The following SRGAP3 variants were observed in gnomAD, a reference collection of about 807,000 sequenced individuals.
SRGAP3 encodes SLIT-ROBO Rho GTPase-activating protein 3.
Under a neutral mutation model 121.1 loss-of-function variants are expected in SRGAP3, and 39 were observed. That is an observed-to-expected ratio of 0.32 (90% confidence interval 0.25 to 0.42). The LOEUF is 0.42. Ranked by LOEUF, SRGAP3 falls within the 10% of genes least tolerant of loss-of-function variation. The pLI is 1.00. For synonymous variants in SRGAP3, 601 were observed against 570.0 expected (o/e 1.05, Z -0.77); for missense variants, 1,213 against 1,470.6 (o/e 0.82, Z 2.86).
chr3:9,326,524 A>G (rs766211450), intron 2 of SRGAP3, among the ~76,000 whole-genome samples: 9 of 151,820 alleles, frequency 5.9e-5, no homozygotes, highest in Non-Finnish European at 4.4e-5. Flanking sequence ...ACCTTTAATA[A>G]CAAAAGCTTT....
At chr3:9,112,235 G>T (rs1411918649) in intron 2 of SRGAP3, among the ~76,000 whole-genome samples, 1 of 152,238 alleles carries the variant, frequency 6.6e-6, no homozygotes, top group Non-Finnish European at 1.5e-5. Flanking sequence ...GCAAGCTCCT[G>T]CTTGGGCTTC....
intron 4 of SRGAP3, among the ~76,000 whole-genome samples, chr3:9,070,583 G>A (rs568297070): frequency 6.6e-6 from 1 of 152,284 alleles, no homozygotes; most frequent in East Asian, 1.9e-4. Flanking sequence ...GAATGGATGG[G>A]TAGATGGATG....
At chr3:9,324,142 T>C (rs1236831404) in intron 3 of SRGAP3, among the ~76,000 whole-genome samples, 1 of 151,956 alleles carries the variant, frequency 6.6e-6, no homozygotes, top group African/African-American at 2.4e-5. Flanking sequence ...GTATGGTCAC[T>C]GGGATTGGCC....
At chr3:9,232,054 C>G (rs1953230746) in intron 1 of SRGAP3, among the ~76,000 whole-genome samples, 1 of 152,156 alleles carries the variant, frequency 6.6e-6, no homozygotes, top group African/African-American at 2.4e-5. Flanking sequence ...ACCCATATTT[C>G]AAAGTTTTGA....
chr3:9,131,683 C>G lies in SRGAP3; in HGVS notation c.68-6766G>C, dbSNP rs920966209. On this transcript the variant is annotated intron_variant, in intron 1 of 21. Coordinates refer to ENST00000383836, the MANE Select transcript of SRGAP3 (RefSeq NM_014850.4). The stretch of plus-strand genomic sequence containing the variant: ...TCTTGAACCCCTGACCTCAAGTAAT[C>G]CACCCGCCTCGGCCTCCCAAAGTGC... Among the ~76,000 whole-genome samples the G allele has an allele frequency of 6.6e-5, 10 of 152,130 alleles. No individual in the cohort carries two copies. The East Asian group carries it at 1.7e-3, about 26-fold the overall frequency.
intron 17 of SRGAP3, among the ~76,000 whole-genome samples, chr3:9,012,883 A>G (rs1943443037): frequency 6.6e-6 from 1 of 152,204 alleles, no homozygotes. Flanking sequence ...AGAGTGAGTT[A>G]CAGATCTTGA....
chr3:9,134,236 A>G (rs1008835684), intron 1 of SRGAP3, among the ~76,000 whole-genome samples: 1 of 152,034 alleles, frequency 6.6e-6, no homozygotes, highest in African/African-American at 2.4e-5. Flanking sequence ...ACCCCACCCA[A>G]TTCCAATCTT....
intron 1 of SRGAP3, among the ~76,000 whole-genome samples, chr3:9,173,528 G>C (rs1421781044): frequency 1.3e-5 from 2 of 152,218 alleles, no homozygotes; most frequent in African/African-American, 2.4e-5. Flanking sequence ...AATAAGAGCA[G>C]AGAGGAGAAG....
intron 1 of SRGAP3, among the ~76,000 whole-genome samples, chr3:9,224,644 A>T (rs1037920179): frequency 1.3e-5 from 2 of 152,214 alleles, no homozygotes; most frequent in Admixed American, 1.3e-4. Flanking sequence ...AGGGAAACTC[A>T]AAGGATGACT....
At chr3:9,342,355 A>C (rs1002666793) in intron 1 of SRGAP3, among the ~76,000 whole-genome samples, 1 of 152,094 alleles carries the variant, frequency 6.6e-6, no homozygotes, top group Non-Finnish European at 1.5e-5. Flanking sequence ...CATCTCAAAA[A>C]AAAAAAAAGG....
chr3:9,304,116 C>T (rs1367301227), intron 3 of SRGAP3, among the ~76,000 whole-genome samples: 1 of 152,194 alleles, frequency 6.6e-6, no homozygotes, highest in Admixed American at 6.5e-5. Flanking sequence ...ACCCCATGTA[C>T]GACTTACAGA....
intron 18 of SRGAP3, among the ~76,000 whole-genome samples, chr3:8,996,468 G>A (rs1004388831): frequency 1.3e-5 from 2 of 152,220 alleles, no homozygotes; most frequent in African/African-American, 4.8e-5. Context: ...CTTCTGCAGG[G>A]AGCAGGCCTC....
intron 5 of SRGAP3, among the ~76,000 whole-genome samples, chr3:9,063,303 AT>A (rs1389901698): frequency 1.3e-5 from 2 of 150,944 alleles, no homozygotes; most frequent in Non-Finnish European, 3.0e-5. Context: ...TAATTTTTCT[AT>A]TTTTTGTAGA....
At chr3:9,107,549 T>C (rs1454678072) in intron 2 of SRGAP3, among the ~76,000 whole-genome samples, 3 of 152,214 alleles carry the variant, frequency 2.0e-5, no homozygotes, top group Non-Finnish European at 4.4e-5. Flanking sequence ...GCTTAGATGA[T>C]ACCTCCCTAG....
chr3:9,114,175 G>A (rs1371393573), intron 2 of SRGAP3, among the ~76,000 whole-genome samples: 1 of 152,260 alleles, frequency 6.6e-6, no homozygotes, highest in African/African-American at 2.4e-5. Flanking sequence ...AAGTGAACTT[G>A]GAAAGTTATT....
intron 1 of SRGAP3, among the ~76,000 whole-genome samples, chr3:9,215,963 G>A (rs1043788185): frequency 2.0e-5 from 3 of 152,164 alleles, no homozygotes; most frequent in African/African-American, 7.2e-5. Context: ...ATTATGATGT[G>A]AGCCAATCCC....
At position 9,273,906 on chromosome 3, in the gene SRGAP3, G is replaced by A. The variant is rs978126004; in HGVS notation, n.442+52104C>T. On this transcript the variant is annotated intron_variant and non_coding_transcript_variant, in intron 3 of 3. Transcript: ENST00000490889. ...TGTTAAAAATCATTAGACCATATAC[G>A]TGTGTGCTTATTTCTGGGCTCTCAA... Among the ~76,000 whole-genome samples, 24 of 151,704 alleles carry A rather than the reference G, an allele frequency of 1.6e-4. 1 individual carries two copies. Among genetic ancestry groups the A allele is most frequent in the Admixed American group, 3.9e-4 (6 of 15,212 alleles).
At chr3:9,069,584 T>A (rs150989340) in intron 4 of SRGAP3, among the ~76,000 whole-genome samples, 146 of 152,278 alleles carry the variant, frequency 9.6e-4, no homozygotes, top group African/African-American at 3.5e-3. Flanking sequence ...GTTGCATGTG[T>A]TCTCAGAATA....
rs558345056 is a variant in SRGAP3, at chr3:9,265,794, CATTGTGGAAG to C, written n.442+60206_442+60215del. 4.3e-4 allele frequency among the ~76,000 whole-genome samples: 66 copies of C among 152,272 alleles called. No homozygotes were observed. The East Asian group carries it at 9.6e-3, about 22-fold the overall frequency. On this transcript the variant is annotated intron_variant and non_coding_transcript_variant, in intron 3 of 3. Coordinates refer to the SRGAP3 transcript ENST00000490889. ...TGGTGGGAGTGTAAATTAGTTCAAC[CATTGTGGAAG>C]ACAGTGTGGCGATTCCTCAAGGATC...
Sources: allele counts gnomAD v4.1 joint callset (sites outside exome capture counted in the v4.1 genomes callset), GRCh38; gene constraint gnomAD v4.1.1; transcripts MANE v1.5; gene names NCBI Gene and HGNC (gene_info 2026-07-23, HGNC 2026-07-21).